The following GAS7 variants were observed in gnomAD, a reference collection of about 807,000 sequenced individuals.
The protein encoded by GAS7 is growth arrest specific 7, also known as growth arrest-specific protein 7.
A neutral mutation model predicts 71.1 loss-of-function variants in GAS7; 28 were observed. The ratio of observed to expected loss-of-function variants is 0.39; its 90% CI spans 0.29 to 0.54. The LOEUF (loss-of-function observed/expected upper bound fraction) is 0.54, where lower values mean the gene tolerates loss of function less well. Among genes scored for constraint, GAS7 ranks in the 20% least tolerant of loss-of-function variants. The pLI is 0.62. For missense variants in GAS7, 436 were observed against 627.8 expected, an observed-to-expected ratio of 0.69 and a Z score of 3.27; for synonymous variants, 258 against 245.8, an observed-to-expected ratio of 1.05 and a Z score of -0.46.
At chr17:9,979,948 G>C (rs947205944) in intron 3 of GAS7, among the ~76,000 whole-genome samples, 1 of 151,778 alleles carries the variant, frequency 6.6e-6, no homozygotes, top group African/African-American at 2.4e-5. Context: ...GCTACAGTAC[G>C]AACGGGCCCA....
intron 1 of GAS7, among the ~76,000 whole-genome samples, chr17:10,060,454 G>C (rs900982337): frequency 6.6e-6 from 1 of 151,676 alleles, no homozygotes; most frequent in Non-Finnish European, 1.5e-5. Flanking sequence ...GAAGCCCCAG[G>C]GCCAGACAGA....
intron 1 of GAS7, among the ~76,000 whole-genome samples, chr17:10,123,413 G>A (rs1025595827): frequency 1.3e-5 from 2 of 152,154 alleles, no homozygotes; most frequent in African/African-American, 4.8e-5. Flanking sequence ...AGAATCTGAA[G>A]GCTGGAAAGT....
chr17:10,001,021 A>G (rs1203297984), intron 2 of GAS7, among the ~76,000 whole-genome samples: 1 of 152,010 alleles, frequency 6.6e-6, no homozygotes, highest in Non-Finnish European at 1.5e-5. Flanking sequence ...AAAAACAAAC[A>G]AACAAACAAA....
At position 10,133,354 on chromosome 17, in the gene GAS7, C is replaced by T. The variant is rs201673680; in HGVS notation, c.183+64854G>A. On this transcript the variant is annotated intron_variant, in intron 1 of 13. Coordinates refer to ENST00000432992, the MANE Select transcript of GAS7 (RefSeq NM_201433.2). ...GCCAGGCTGGTCTTGAACTCCTGGC[C>T]TCAAGTGATCTGCCTGCCTCGGCCT... 3.9e-5 allele frequency among the ~76,000 whole-genome samples: 6 copies of T among 151,990 alleles called. No homozygotes were observed. The East Asian group carries it at 1.2e-3, about 29-fold the overall frequency.
At chr17:10,152,452 C>T (rs577605444) in intron 1 of GAS7, among the ~76,000 whole-genome samples, 2 of 152,284 alleles carry the variant, frequency 1.3e-5, no homozygotes, top group East Asian at 3.9e-4. Context: ...ATTGACTGTG[C>T]GTGCATTAGC....
intron 1 of GAS7, among the ~76,000 whole-genome samples, chr17:10,153,342 C>T (rs2074181688): frequency 6.6e-6 from 1 of 151,810 alleles, no homozygotes. Flanking sequence ...TATGGTGAAA[C>T]CCCATCTCTA....
chr17:10,141,426 C>T (rs1204481577), intron 1 of GAS7, among the ~76,000 whole-genome samples: 3 of 151,260 alleles, frequency 2.0e-5, no homozygotes, highest in Admixed American at 6.6e-5. Context: ...CCAGCCTGGG[C>T]AACAGCAAGA....
chr17:10,015,297 T>C (rs1396069942), intron 2 of GAS7, among the ~76,000 whole-genome samples: 7 of 151,676 alleles, frequency 4.6e-5, no homozygotes. Context: ...AAAGAAGAGA[T>C]TAGGGATTAA....
chr17:10,011,243 T>C (rs958953438), intron 2 of GAS7, among the ~76,000 whole-genome samples: 6 of 152,194 alleles, frequency 3.9e-5, no homozygotes, highest in Admixed American at 6.5e-5. Flanking sequence ...ACCTCACTCA[T>C]GCTCTGCTGA....
intron 11 of GAS7, among the ~76,000 whole-genome samples, chr17:9,923,552 A>G (rs2067895566): frequency 6.6e-6 from 1 of 152,238 alleles, no homozygotes; most frequent in Non-Finnish European, 1.5e-5. Flanking sequence ...TTATATGTAT[A>G]TTTTACATAC....
At chr17:10,063,021 C>T (rs1193855152) in intron 1 of GAS7, among the ~76,000 whole-genome samples, 1 of 152,230 alleles carries the variant, frequency 6.6e-6, no homozygotes, top group African/African-American at 2.4e-5. Context: ...TAGGATGGAC[C>T]CCTCCCCACA....
rs1288919689 is a variant in GAS7, at chr17:10,103,345, G to T, written c.184-83448C>A. Reference sequence around the variant, plus strand: ...AGTCTGGGTGATAGGTTAAGACCCTGTCTCAAACAAACCAACCAACCAACC... The same window carrying T: ...AGTCTGGGTGATAGGTTAAGACCCTTTCTCAAACAAACCAACCAACCAACC... On this transcript the variant is annotated intron_variant, in intron 1 of 13. Transcript: ENST00000432992. The surrounding 1 kb of genome is among the most constrained non-coding windows in gnomAD (Gnocchi z 5.5). Among the ~76,000 whole-genome samples, 1 of 152,086 alleles carries T rather than the reference G, an allele frequency of 6.6e-6. No homozygotes were observed. Among genetic ancestry groups the T allele is most frequent in the African/African-American group, 2.4e-5 (1 of 41,422 alleles).
At chr17:10,008,217 G>C (rs9896675) in intron 2 of GAS7, among the ~76,000 whole-genome samples, 1 of 152,032 alleles carries the variant, frequency 6.6e-6, no homozygotes, top group African/African-American at 2.4e-5. Flanking sequence ...TTGTGTGGAC[G>C]TGTGTTTCTA....
At chr17:10,193,254 TAG>T (rs750755426) in intron 1 of GAS7, among the ~76,000 whole-genome samples, 7 of 84,938 alleles carry the variant, frequency 8.2e-5, no homozygotes, top group Non-Finnish European at 1.6e-4. Flanking sequence ...AAGAAACCTC[TAG>T]AGTCAAAAAA....
intron 1 of GAS7, among the ~76,000 whole-genome samples, chr17:10,180,844 G>A (rs1016084315): frequency 5.9e-5 from 9 of 151,760 alleles, no homozygotes; most frequent in Non-Finnish European, 1.2e-4. Context: ...GGTATTCATC[G>A]GCACCATGAA....
chr17:10,015,828 T>C (rs1176526714), intron 2 of GAS7, among the ~76,000 whole-genome samples: 4 of 152,072 alleles, frequency 2.6e-5, no homozygotes, highest in African/African-American at 9.7e-5. Flanking sequence ...ATCCTGCAGC[T>C]TCCTTCTCCA....
chr17:10,044,068 C>CA (rs1187982253), intron 1 of GAS7, among the ~76,000 whole-genome samples: 5 of 152,240 alleles, frequency 3.3e-5, no homozygotes, highest in Admixed American at 6.5e-5. Flanking sequence ...CTGCAGACGT[C>CA]AGTCTACGGT....
intron 1 of GAS7, among the ~76,000 whole-genome samples, chr17:10,100,907 T>C (rs544139948): frequency 6.6e-6 from 1 of 152,332 alleles, no homozygotes; most frequent in South Asian, 2.1e-4. Context: ...CTGATGACAC[T>C]GCCTTTGCTT....
chr17:10,175,873 C>T (rs1427061422), intron 1 of GAS7, among the ~76,000 whole-genome samples: 2 of 152,196 alleles, frequency 1.3e-5, no homozygotes, highest in African/African-American at 4.8e-5. Context: ...GGGGTTGGGA[C>T]TTCAAATACG....
Sources: allele counts gnomAD v4.1 joint callset (sites outside exome capture counted in the v4.1 genomes callset), GRCh38; gene constraint gnomAD v4.1.1; non-coding constraint Gnocchi (gnomAD v3.1); transcripts MANE v1.5; gene names NCBI Gene and HGNC (gene_info 2026-07-23, HGNC 2026-07-21).